Variants in WWOX observed in about 807,000 individuals in gnomAD.
The protein encoded by WWOX is WW domain-containing oxidoreductase.
In WWOX, 69 loss-of-function variants were observed where a neutral mutation model predicts 46.2. That is an observed-to-expected ratio of 1.49 (90% CI 1.23 to 1.82). WWOX has a LOEUF of 1.82. Among genes scored for constraint, WWOX ranks in the 40% most tolerant of loss-of-function variants. WWOX has a pLI of 0.00. For missense variants in WWOX, 919 were observed against 542.6 expected, an observed-to-expected ratio of 1.69 and a Z score of -6.89; for synonymous variants, 359 against 202.6, an observed-to-expected ratio of 1.77 and a Z score of -6.56.
Position 78,554,387 on chromosome 16 carries a change from C to A in WWOX, c.1056+121635C>A, listed in dbSNP as rs187427657. Among the ~76,000 whole-genome samples, 7 of 152,120 alleles carry A rather than the reference C, an allele frequency of 4.6e-5. No homozygotes were observed. In the East Asian group the frequency reaches 1.4e-3, roughly 29 times the overall value. On this transcript the variant is annotated intron_variant, in intron 8 of 8. Transcript: ENST00000566780. ...TCACCAAGGTCTGATCGTGAAAATTCAAAAAATTGCAACCTGAGGCATAAA... is the reference window on the plus strand; with the variant it reads ...TCACCAAGGTCTGATCGTGAAAATTAAAAAAATTGCAACCTGAGGCATAAA...
intron 5 of WWOX, among the ~76,000 whole-genome samples, chr16:78,268,300 A>T (rs2079409085): frequency 6.6e-6 from 1 of 152,246 alleles, no homozygotes; most frequent in African/African-American, 2.4e-5. Flanking sequence ...GAGAAAGTGT[A>T]AATTTGAATT....
At chr16:79,143,215 G>A (rs570835256) in intron 8 of WWOX, among the ~76,000 whole-genome samples, 2 of 152,128 alleles carry the variant, frequency 1.3e-5, no homozygotes, top group Admixed American at 6.5e-5. Flanking sequence ...CAATCCTATT[G>A]TCTTTCCCTG....
intron 5 of WWOX, among the ~76,000 whole-genome samples, chr16:78,381,891 A>G (rs1455548664): frequency 6.6e-6 from 1 of 152,088 alleles, no homozygotes; most frequent in Non-Finnish European, 1.5e-5. Flanking sequence ...TTACTCAGAC[A>G]GTCTTGTTCT....
chr16:78,823,691 CG>C, intron 8 of WWOX, among the ~76,000 whole-genome samples: 1 of 151,988 alleles, frequency 6.6e-6, no homozygotes, highest in South Asian at 2.1e-4. Flanking sequence ...ATTTAAGGCC[CG>C]CCGAGCCTGA....
chr16:78,795,829 G>A (rs370061132), intron 8 of WWOX, among the ~76,000 whole-genome samples: 1 of 152,250 alleles, frequency 6.6e-6, no homozygotes, highest in East Asian at 1.9e-4. Flanking sequence ...GTATCTAGTA[G>A]AGTGGCTAGC....
At chr16:79,125,704 T>C (rs1176118185) in intron 8 of WWOX, among the ~76,000 whole-genome samples, 3 of 152,178 alleles carry the variant, frequency 2.0e-5, no homozygotes, top group Non-Finnish European at 4.4e-5. Flanking sequence ...AATGTTGACA[T>C]TGTGAATCCC....
intron 8 of WWOX, among the ~76,000 whole-genome samples, chr16:78,578,295 T>A (rs1252895060): frequency 4.9e-5 from 5 of 101,200 alleles, no homozygotes; most frequent in Non-Finnish European, 6.0e-5. Flanking sequence ...TTTTTTTTTT[T>A]TTTTTTTTTT....
At chr16:78,615,386 C>T (rs1165067219) in intron 8 of WWOX, among the ~76,000 whole-genome samples, 1 of 152,138 alleles carries the variant, frequency 6.6e-6, no homozygotes, top group Non-Finnish European at 1.5e-5. Context: ...CAGCACCTCA[C>T]ACCTGTAATT....
At position 78,121,010 on chromosome 16, in the gene WWOX, G is replaced by T. The variant is rs192906539; in HGVS notation, c.409+5856G>T. Reference sequence around the variant, plus strand: ...TTTTTTTTTCTAGTTATTCCAAAAGGTCCCATAAATCTGGGGCCATAGCTA... The same window carrying T: ...TTTTTTTTTCTAGTTATTCCAAAAGTTCCCATAAATCTGGGGCCATAGCTA... On this transcript the variant is annotated intron_variant, in intron 4 of 8. Transcript: ENST00000566780. Among the ~76,000 whole-genome samples, 490 of 151,562 alleles carry T rather than the reference G, an allele frequency of 3.2e-3. 5 individuals are homozygous for T. Among genetic ancestry groups the T allele is most frequent in the African/African-American group, 0.012 (481 of 41,324 alleles).
chr16:78,861,321 T>A (rs1365492202), intron 8 of WWOX, among the ~76,000 whole-genome samples: 1 of 152,366 alleles, frequency 6.6e-6, no homozygotes, highest in East Asian at 1.9e-4. Flanking sequence ...CCTATCCACC[T>A]ATTAACTTAT....
intron 8 of WWOX, among the ~76,000 whole-genome samples, chr16:79,126,724 G>C (rs1426823938): frequency 3.9e-5 from 6 of 152,194 alleles, no homozygotes; most frequent in African/African-American, 1.4e-4. Context: ...ACTGAGTTGA[G>C]GGGTCAGTGG....
chr16:78,776,338 G>A (rs898269967), intron 8 of WWOX, among the ~76,000 whole-genome samples: 3 of 152,036 alleles, frequency 2.0e-5, no homozygotes, highest in South Asian at 2.1e-4. Context: ...TTGGCATCTC[G>A]TGCGAAGCCC....
At chr16:79,091,040 G>A (rs1191272491) in intron 8 of WWOX, among the ~76,000 whole-genome samples, 2 of 151,936 alleles carry the variant, frequency 1.3e-5, no homozygotes, top group South Asian at 2.1e-4. Context: ...CACCCACATC[G>A]GCCTCCCAAA....
At chr16:78,505,898 C>T (rs1209723868) in intron 8 of WWOX, among the ~76,000 whole-genome samples, 3 of 152,188 alleles carry the variant, frequency 2.0e-5, no homozygotes, top group African/African-American at 4.8e-5. Flanking sequence ...TCTCCCTAAT[C>T]ATGAGCAATG....
intron 5 of WWOX, among the ~76,000 whole-genome samples, chr16:78,336,220 T>G (rs945548959): frequency 6.6e-6 from 1 of 151,362 alleles, no homozygotes; most frequent in Admixed American, 6.6e-5. Flanking sequence ...ATGCCTGTGA[T>G]CCACAACTTT....
At position 78,885,136 on chromosome 16, in the gene WWOX, G is replaced by A. The variant is rs572467208; in HGVS notation, c.1057-326472G>A. ...TGTTAGTTTGTGGAGTGGGCTAAATGGCCAGCCCTTCTACGAGCTCCCTCA... is the reference window on the plus strand; with the variant it reads ...TGTTAGTTTGTGGAGTGGGCTAAATAGCCAGCCCTTCTACGAGCTCCCTCA... On this transcript the variant is annotated intron_variant, in intron 8 of 8. Coordinates refer to ENST00000566780, the MANE Select transcript of WWOX (RefSeq NM_016373.4). Among the ~76,000 whole-genome samples the A allele has an allele frequency of 3.2e-4, 49 of 151,588 alleles. 1 individual carries two copies. The South Asian group carries it at 0.01, about 31-fold the overall frequency.
At chr16:78,692,852 G>T (rs974863431) in intron 8 of WWOX, among the ~76,000 whole-genome samples, 1 of 152,142 alleles carries the variant, frequency 6.6e-6, no homozygotes, top group Admixed American at 6.5e-5. Context: ...AACTGTTTTT[G>T]GTGAATAGGC....
At chr16:78,225,735 A>T (rs2037032637) in intron 5 of WWOX, among the ~76,000 whole-genome samples, 2 of 152,184 alleles carry the variant, frequency 1.3e-5, no homozygotes, top group Non-Finnish European at 2.9e-5. Flanking sequence ...TGGGCTAATT[A>T]AGAAAACTGT....
At chr16:79,102,017 C>T (rs1003057567) in intron 8 of WWOX, among the ~76,000 whole-genome samples, 6 of 110,778 alleles carry the variant, frequency 5.4e-5, no homozygotes, top group Non-Finnish European at 9.2e-5. Context: ...AGATGAAGAC[C>T]AAAGGTGGAG....
Sources: allele counts gnomAD v4.1 joint callset (sites outside exome capture counted in the v4.1 genomes callset), GRCh38; gene constraint gnomAD v4.1.1; transcripts MANE v1.5; gene names NCBI Gene and HGNC (gene_info 2026-07-23, HGNC 2026-07-21).